SREBF2: variants seen among roughly 807,000 people sequenced by gnomAD.
The protein encoded by SREBF2 is sterol regulatory element-binding protein 2.
In SREBF2, 55 loss-of-function variants were observed where a neutral mutation model predicts 113.1. That is an observed-to-expected ratio of 0.49 (90% CI 0.39 to 0.61). The LOEUF (loss-of-function observed/expected upper bound fraction) is 0.61, where lower values mean the gene tolerates loss of function less well. SREBF2 is among the 20% of genes least tolerant of loss of function. SREBF2 has a pLI of 0.00. For missense variants in SREBF2, 1,349 were observed against 1,487.4 expected (o/e 0.91, Z 1.53); for synonymous variants, 593 against 605.7 (o/e 0.98, Z 0.31).
intron 1 of SREBF2, among the ~76,000 whole-genome samples, chr22:41,865,675 C>T (rs62240964): frequency 1.3e-5 from 2 of 152,118 alleles, no homozygotes; most frequent in African/African-American, 2.4e-5. Flanking sequence ...ACCCAAGACT[C>T]CTTGCCCAGA....
intron 1 of SREBF2, among the ~76,000 whole-genome samples, chr22:41,842,169 A>T (rs1367771513): frequency 6.6e-6 from 1 of 152,216 alleles, no homozygotes; most frequent in African/African-American, 2.4e-5. Flanking sequence ...AATCAAAATA[A>T]AATACATAAA....
intron 4 of SREBF2, among the ~76,000 whole-genome samples, chr22:41,872,935 C>T (rs1399637113): frequency 1.3e-5 from 2 of 151,920 alleles, no homozygotes; most frequent in Non-Finnish European, 2.9e-5. Flanking sequence ...TGGTGGCTCA[C>T]GCCTGTAATC....
chr22:41,884,167 G>A (rs985702028), intron 10 of SREBF2, among the ~76,000 whole-genome samples: 10 of 152,080 alleles, frequency 6.6e-5, no homozygotes, highest in South Asian at 2.1e-4. Flanking sequence ...ACAGAGTCTC[G>A]CTCTGTTGCC....
intron 9 of SREBF2, chr22:41,878,794 C>G: frequency 3.3e-6 from 4 of 1,227,828 alleles, no homozygotes; most frequent in Non-Finnish European, 3.3e-6. Context: ...CCTCTGCAAG[C>G]TGCAGGGCCA....
At chr22:41,868,902 C>T in intron 3 of SREBF2, 110 bp downstream of exon 3, 1 of 1,421,498 alleles carries the variant, frequency 7.0e-7, no homozygotes, top group Non-Finnish European at 9.7e-7. Flanking sequence ...GTACACAAAG[C>T]AGCTTGTAGG....
At chr22:41,887,154 G>A (rs2077307351) in intron 11 of SREBF2, among the ~76,000 whole-genome samples, 1 of 152,112 alleles carries the variant, frequency 6.6e-6, no homozygotes, top group Non-Finnish European at 1.5e-5. Context: ...AGTGGAGGTT[G>A]TAATGAGCCA....
At chr22:41,864,282 A>C (rs2077053716) in intron 1 of SREBF2, among the ~76,000 whole-genome samples, 1 of 126,772 alleles carries the variant, frequency 7.9e-6, no homozygotes, top group African/African-American at 3.0e-5. Context: ...ACACACACAC[A>C]CAAAATATCA....
chr22:41,863,004 A>C (rs1480254130), intron 1 of SREBF2, among the ~76,000 whole-genome samples: 1 of 152,192 alleles, frequency 6.6e-6, no homozygotes, highest in Admixed American at 6.5e-5. Context: ...ACCAGCCCAT[A>C]TCTTTCCCAC....
chr22:41,837,629 C>T (rs554528993), intron 1 of SREBF2, among the ~76,000 whole-genome samples: 89 of 148,260 alleles, frequency 6.0e-4, no homozygotes, highest in Non-Finnish European at 1.1e-3. Context: ...GAGGCCGAGG[C>T]GGGTGGATCA....
chr22:41,851,838 C>T (rs570992541), intron 1 of SREBF2, among the ~76,000 whole-genome samples: 1 of 151,206 alleles, frequency 6.6e-6, no homozygotes. Context: ...AAAAACAAAG[C>T]GGCCGGGCGC....
intron 16 of SREBF2, chr22:41,901,092 C>T (rs944589512): frequency 3.1e-5 from 13 of 421,796 alleles, no homozygotes; most frequent in African/African-American, 2.5e-4. Context: ...GAGGGCACTG[C>T]TGCCACTGTT....
rs773697152 is a variant in SREBF2 at position 41,868,700 on chromosome 22, C to T, written c.628C>T (p.Arg210Trp). Reference sequence around the variant, plus strand: ...GCAGGTGCAGACAGTACAGGCCCAGCGGGTGCTGACACAAACGGCCAATGG... The same window carrying T: ...GCAGGTGCAGACAGTACAGGCCCAGTGGGTGCTGACACAAACGGCCAATGG... ...QQQVQTVQAQ[R>W]VLTQTANGTL... The change falls in exon 3 of 19, where the codon CGG becomes TGG. Residue 210 changes from arginine (R) to tryptophan (W), a missense_variant. Physicochemically the swap from Arg to Trp is moderately radical, Grantham distance 101. Transcript: ENST00000361204. 4 of 1,614,082 alleles carry T rather than the reference C, an allele frequency of 2.5e-6. No individual in the cohort carries two copies. The highest frequency in any genetic ancestry group is 1.3e-5 in the African/African-American group (1 of 74,912).
chr22:41,880,061 C>T (rs1329134341), intron 9 of SREBF2, among the ~76,000 whole-genome samples: 1 of 152,176 alleles, frequency 6.6e-6, no homozygotes, highest in Non-Finnish European at 1.5e-5. Flanking sequence ...CTTTAGCAGA[C>T]ATGGCATGAG....
chr22:41,890,121 G>A (rs965179395), intron 11 of SREBF2, among the ~76,000 whole-genome samples: 1 of 152,102 alleles, frequency 6.6e-6, no homozygotes, highest in Admixed American at 6.5e-5. Flanking sequence ...CTGTTGCCCA[G>A]GCTGGAGTGG....
chr22:41,905,447 G>T lies in SREBF2; in HGVS notation c.3213G>T (p.Val1071=). 1 of 1,573,510 alleles carries T rather than the reference G, an allele frequency of 6.4e-7. No individual in the cohort carries two copies. Among genetic ancestry groups the T allele is most frequent in the East Asian group, 2.3e-5 (1 of 43,366 alleles). Residue 1071 remains valine (V), a synonymous_variant, in exon 19 of 19, where the codon GTG becomes GTT. Coordinates refer to ENST00000361204, the MANE Select transcript of SREBF2 (RefSeq NM_004599.4). ...CACATCTCCTTCCCACAGGAGAGGT[G>T]GATGCCTGGCCCGGCCAGCGAGAGC... ...RTTQSTKHGE[V]DAWPGQRERA... is the part of the protein sequence containing the mutation.
chr22:41,851,768 T>G (rs1242599075), intron 1 of SREBF2, among the ~76,000 whole-genome samples: 2 of 151,366 alleles, frequency 1.3e-5, no homozygotes, highest in Non-Finnish European at 2.9e-5. Flanking sequence ...GTGCTGGTAT[T>G]ACAGGCATGA....
intron 1 of SREBF2, among the ~76,000 whole-genome samples, chr22:41,858,512 G>T (rs961873808): frequency 6.7e-6 from 1 of 148,450 alleles, no homozygotes; most frequent in African/African-American, 2.6e-5. Context: ...GGAGGCTAAG[G>T]TGGGAGGATC....
intron 1 of SREBF2, among the ~76,000 whole-genome samples, chr22:41,844,665 C>T (rs2076861021): frequency 1.3e-5 from 2 of 152,134 alleles, no homozygotes; most frequent in Non-Finnish European, 1.5e-5. Flanking sequence ...CAAGCTTGCT[C>T]CTCCACGTGG....
At chr22:41,880,565 T>C in intron 9 of SREBF2, 151 bp from the exon 10 acceptor site, 7 of 1,037,186 alleles carry the variant, frequency 6.7e-6, no homozygotes, top group Non-Finnish European at 8.9e-6. Flanking sequence ...TGGTTTTGTT[T>C]TACTTTCTTG....
Sources: allele counts gnomAD v4.1 joint callset (sites outside exome capture counted in the v4.1 genomes callset), GRCh38; gene constraint gnomAD v4.1.1; transcripts MANE v1.5; gene names NCBI Gene and HGNC (gene_info 2026-07-23, HGNC 2026-07-21).